Variants in IMMT observed in about 807,000 individuals in gnomAD.
IMMT encodes MICOS complex subunit MIC60.
Under a neutral mutation model 92.7 loss-of-function variants are expected in IMMT, and 40 were observed. That is an observed-to-expected ratio of 0.43 (90% CI 0.34 to 0.56). IMMT has a LOEUF of 0.56. IMMT is among the 20% of genes least tolerant of loss of function. The probability of loss-of-function intolerance (pLI) is 0.03; values close to 1 mark genes in which losing one functional copy is unlikely to be tolerated. For missense variants in IMMT, 831 were observed against 912.1 expected, an observed-to-expected ratio of 0.91 and a Z score of 1.14; for synonymous variants, 322 against 336.1, an observed-to-expected ratio of 0.96 and a Z score of 0.46.
intron 12 of IMMT, among the ~76,000 whole-genome samples, chr2:86,149,501 C>T (rs1675301444): frequency 6.6e-6 from 1 of 152,064 alleles, no homozygotes; most frequent in East Asian, 1.9e-4. Flanking sequence ...CGTAAATAGA[C>T]ACAGAAAGAA....
chr2:86,159,348 G>C (rs572923033), intron 9 of IMMT, 188 bp downstream of exon 9: 1 of 663,044 alleles, frequency 1.5e-6, no homozygotes, highest in African/African-American at 1.8e-5. Flanking sequence ...GCCTGCCAAA[G>C]TGCTGGGATT....
At chr2:86,144,912 T>C (rs1674877264) in intron 14 of IMMT, 31 bp from the exon 15 acceptor site, 4 of 1,554,234 alleles carry the variant, frequency 2.6e-6, no homozygotes, top group Non-Finnish European at 2.6e-6. Flanking sequence ...AGCCAAACAT[T>C]TTTCTCTCCA....
chr2:86,175,198 C>T (rs1677350743), intron 3 of IMMT, among the ~76,000 whole-genome samples: 1 of 152,044 alleles, frequency 6.6e-6, no homozygotes, highest in African/African-American at 2.4e-5. Context: ...CCTCCTCATC[C>T]CTTTTTCAAA....
intron 1 of IMMT, among the ~76,000 whole-genome samples, chr2:86,192,001 G>A (rs1673159969): frequency 6.6e-6 from 1 of 152,240 alleles, no homozygotes; most frequent in African/African-American, 2.4e-5. Context: ...GGGAGGAGAA[G>A]GTGGGGATAT....
At chr2:86,157,805 A>AAAAG in intron 10 of IMMT, among the ~76,000 whole-genome samples, 1 of 59,502 alleles carries the variant, frequency 1.7e-5, no homozygotes, top group African/African-American at 5.1e-5. Flanking sequence ...AAAAAAAAAG[A>AAAAG]AAAAAAAAAA....
intron 3 of IMMT, among the ~76,000 whole-genome samples, chr2:86,176,554 T>C (rs1247820690): frequency 6.6e-6 from 1 of 152,150 alleles, no homozygotes; most frequent in African/African-American, 2.4e-5. Context: ...GCTAACAAAA[T>C]ATGAGCAACC....
chr2:86,159,963 T>C, intron 8 of IMMT: 1 of 194,410 alleles, frequency 5.1e-6, no homozygotes, highest in East Asian at 1.2e-4. Flanking sequence ...TTTTAAAGAC[T>C]AGTCAAGTGC....
Position 86,147,734 on chromosome 2 carries a change from G to T in IMMT, c.1501C>A (p.Gln501Lys), listed in dbSNP as rs1573873666. The T allele has an allele frequency of 1.9e-6, 3 of 1,613,530 alleles. No individual in the cohort carries two copies. The highest frequency in any genetic ancestry group is 2.7e-5 in the African/African-American group (2 of 74,914). ...AATTCAGACTTCAATTCCTGTTCTT[G>T]TACCCTAAGGACATCTCGCAAGTGA... ...TDHLRDVLRV[Q>K]EQELKSEFEQ... The change falls in exon 13 of 15, where the codon CAA (glutamine) becomes AAA (lysine). Residue 501 changes from glutamine to lysine, a missense_variant. Transcript: ENST00000410111.
At chr2:86,170,428 A>G (rs777842295) in intron 6 of IMMT, among the ~76,000 whole-genome samples, 1 of 152,198 alleles carries the variant, frequency 6.6e-6, no homozygotes, top group Non-Finnish European at 1.5e-5. Flanking sequence ...AAAAAAATAA[A>G]TAAAGGACTT....
At chr2:86,175,835 G>A (rs1015108974) in intron 3 of IMMT, among the ~76,000 whole-genome samples, 3 of 152,016 alleles carry the variant, frequency 2.0e-5, no homozygotes, top group Non-Finnish European at 2.9e-5. Context: ...ATTAATAAGC[G>A]AAGGAAAGGA....
intron 10 of IMMT, among the ~76,000 whole-genome samples, chr2:86,154,056 G>A (rs926004004): frequency 3.9e-5 from 6 of 151,940 alleles, no homozygotes; most frequent in African/African-American, 1.5e-4. Flanking sequence ...TAGAGAAGGG[G>A]TTTTGCCATG....
Position 86,144,133 on chromosome 2 carries a change from G to A in IMMT, c.*135C>T, listed in dbSNP as rs1674808451. ...AATGGAAAGAATATAAATGCAACAG[G>A]TGTTAACATTTAGAACAGTACTTGT... On this transcript the variant is annotated 3_prime_UTR_variant, in exon 15 of 15. Transcript: ENST00000410111. The A allele has an allele frequency of 4.6e-6, 4 of 869,992 alleles. No individual in the cohort carries two copies. The highest frequency in any genetic ancestry group is 7.0e-6 in the Non-Finnish European group (4 of 574,852). The allele number at this position is 869,992 out of a possible 1,614,324, so 53.9% of individuals were successfully genotyped here.
chr2:86,179,749 G>T, intron 2 of IMMT, 127 bp from the exon 3 acceptor site: 1 of 654,026 alleles, frequency 1.5e-6, no homozygotes, highest in South Asian at 2.6e-5. Flanking sequence ...GATCATAGCA[G>T]CCAAGTTTAC....
chr2:86,147,632 TAAAAG>T (rs1260757491), intron 13 of IMMT, 65 bp downstream of exon 13: 5 of 1,481,216 alleles, frequency 3.4e-6, no homozygotes, highest in Non-Finnish European at 4.6e-6. Context: ...CAGAGTACAT[TAAAAG>T]GAAAGGAGAG....
At chr2:86,157,667 A>T (rs971149401) in intron 10 of IMMT, among the ~76,000 whole-genome samples, 3 of 152,066 alleles carry the variant, frequency 2.0e-5, no homozygotes, top group African/African-American at 7.2e-5. Flanking sequence ...TCACACCTGT[A>T]ATCCCAGCTA....
intron 1 of IMMT, among the ~76,000 whole-genome samples, chr2:86,190,124 T>C (rs1673027952): frequency 6.6e-6 from 1 of 152,202 alleles, no homozygotes; most frequent in African/African-American, 2.4e-5. Context: ...GCTACTGGTC[T>C]AGAGATATGA....
At chr2:86,169,275 C>T (rs1326634966) in intron 6 of IMMT, among the ~76,000 whole-genome samples, 1 of 152,012 alleles carries the variant, frequency 6.6e-6, no homozygotes, top group African/African-American at 2.4e-5. Flanking sequence ...GAAGAAAAAA[C>T]AGGACTAAAA....
At chr2:86,165,863 C>G (rs540371538) in intron 7 of IMMT, among the ~76,000 whole-genome samples, 35 of 152,152 alleles carry the variant, frequency 2.3e-4, no homozygotes, top group African/African-American at 7.7e-4. Flanking sequence ...AAAAGTTTAC[C>G]TATGGAAATA....
chr2:86,162,558 AG>A (rs1027410277), intron 7 of IMMT, among the ~76,000 whole-genome samples: 3 of 149,938 alleles, frequency 2.0e-5, no homozygotes, highest in Admixed American at 6.7e-5. Flanking sequence ...AAAAAAAAAA[AG>A]TTTTGGCCGG....
Sources: gnomAD v4.1 joint callset for allele counts (sites outside exome capture counted in the v4.1 genomes callset) on GRCh38, gnomAD v4.1.1 for gene constraint, MANE v1.5 for transcripts, NCBI Gene and HGNC (gene_info 2026-07-23, HGNC 2026-07-21) for gene names.